Variants in TRPC1 observed in about 807,000 individuals in gnomAD.
The protein encoded by TRPC1 is short transient receptor potential channel 1.
TRPC1 carries 42 observed loss-of-function variants against 88.2 expected under a neutral mutation model. The ratio of observed to expected loss-of-function variants is 0.48; its 90% CI spans 0.37 to 0.62. TRPC1 has a LOEUF of 0.62. Among genes scored for constraint, TRPC1 ranks in the 20% least tolerant of loss-of-function variants. The probability of loss-of-function intolerance (pLI) is 0.00; values close to 1 mark genes in which losing one functional copy is unlikely to be tolerated. For missense variants in TRPC1, 699 were observed against 957.3 expected (o/e 0.73, Z 3.56); for synonymous variants, 288 against 331.8 (o/e 0.87, Z 1.43).
chr3:142,800,633 G>GTAC (rs1257690076), intron 9 of TRPC1, among the ~76,000 whole-genome samples: 4 of 151,956 alleles, frequency 2.6e-5, no homozygotes, highest in Admixed American at 6.6e-5. Flanking sequence ...TAAAAATAAT[G>GTAC]AGGCCAGGCA....
chr3:142,745,138 A>G (rs7644704), intron 3 of TRPC1, among the ~76,000 whole-genome samples: 74,944 of 152,078 alleles, frequency 0.49, 20,295 homozygotes, highest in African/African-American at 0.73. Flanking sequence ...AAGGAACAAA[A>G]GGCTAAGAAT....
intron 4 of TRPC1, among the ~76,000 whole-genome samples, chr3:142,759,134 A>AT (rs1935089672): frequency 6.6e-6 from 1 of 152,154 alleles, no homozygotes; most frequent in South Asian, 2.1e-4. Flanking sequence ...CACAATAAAC[A>AT]TAAGTGTGCA....
intron 7 of TRPC1, among the ~76,000 whole-genome samples, chr3:142,787,837 C>T (rs1179055978): frequency 1.3e-5 from 2 of 152,074 alleles, no homozygotes; most frequent in African/African-American, 2.4e-5. Flanking sequence ...GGGAAAGACA[C>T]GTTGAGGAAG....
At chr3:142,781,123 A>T (rs1337641829) in intron 6 of TRPC1, 94 bp downstream of exon 6, 1 of 1,010,058 alleles carries the variant, frequency 9.9e-7, no homozygotes, top group Non-Finnish European at 1.4e-6. Flanking sequence ...CTGGGTTAAG[A>T]TCCTAGTTCT....
At chr3:142,742,575 A>T (rs1405288901) in intron 2 of TRPC1, among the ~76,000 whole-genome samples, 2 of 152,200 alleles carry the variant, frequency 1.3e-5, no homozygotes, top group Non-Finnish European at 2.9e-5. Context: ...TTAAAGATCG[A>T]TATAGTTTTG....
chr3:142,751,677 A>ATAGTT (rs1934770548), intron 4 of TRPC1, among the ~76,000 whole-genome samples: 1 of 152,176 alleles, frequency 6.6e-6, no homozygotes, highest in Non-Finnish European at 1.5e-5. Context: ...CTGGTGACAA[A>ATAGTT]CTATTTTTAG....
intron 4 of TRPC1, among the ~76,000 whole-genome samples, chr3:142,762,380 G>A (rs963301697): frequency 2.7e-5 from 4 of 146,306 alleles, no homozygotes; most frequent in East Asian, 4.1e-4. Flanking sequence ...TTTCTGCTTC[G>A]ATCTTTATTT....
intron 6 of TRPC1, among the ~76,000 whole-genome samples, chr3:142,783,826 A>C (rs1936040543): frequency 6.6e-6 from 1 of 152,196 alleles, no homozygotes; most frequent in Admixed American, 6.5e-5. Context: ...ATTTTATAAT[A>C]ATTTCAAACC....
intron 1 of TRPC1, among the ~76,000 whole-genome samples, chr3:142,729,016 A>G (rs1016268338): frequency 2.4e-4 from 37 of 152,228 alleles, no homozygotes; most frequent in Admixed American, 1.1e-3. Context: ...TTCACAAATC[A>G]TCATAGACAT....
At chr3:142,765,862 TTAAA>T (rs1445880379) in intron 4 of TRPC1, among the ~76,000 whole-genome samples, 7 of 151,960 alleles carry the variant, frequency 4.6e-5, no homozygotes, top group African/African-American at 7.2e-5. Flanking sequence ...TATAAAGAAC[TTAAA>T]TAACCCCATT....
intron 4 of TRPC1, among the ~76,000 whole-genome samples, chr3:142,759,592 A>G (rs1935107502): frequency 6.6e-6 from 1 of 152,136 alleles, no homozygotes; most frequent in Non-Finnish European, 1.5e-5. Flanking sequence ...AGATGGGTAG[A>G]TTGTAAAAAT....
At chr3:142,747,542 G>A (rs994700116) in intron 3 of TRPC1, among the ~76,000 whole-genome samples, 40 of 152,232 alleles carry the variant, frequency 2.6e-4, no homozygotes, top group African/African-American at 9.6e-4. Flanking sequence ...CCTGTTTGTG[G>A]CTCAGGCACA....
intron 4 of TRPC1, among the ~76,000 whole-genome samples, chr3:142,766,371 T>C (rs1935387142): frequency 6.6e-6 from 1 of 150,516 alleles, no homozygotes; most frequent in African/African-American, 2.4e-5. Flanking sequence ...GAAAAGAGAC[T>C]GGCCTAGCCT....
At chr3:142,773,652 T>C (rs577065386) in intron 4 of TRPC1, among the ~76,000 whole-genome samples, 2 of 143,882 alleles carry the variant, frequency 1.4e-5, no homozygotes, top group Non-Finnish European at 3.0e-5. Context: ...CCTTAATTTT[T>C]TGGTTGGAAA....
rs1936717807 is a variant in TRPC1, at chr3:142,804,340, T to A, written c.1960-96T>A. ...GTAAGTAATGTATAATAATTGCAAA[T>A]GTTGAACAAAATTTTTCTGCAAGGT... On this transcript the variant is annotated intron_variant, in intron 11 of 12. Coordinates refer to ENST00000476941, the MANE Select transcript of TRPC1 (RefSeq NM_001251845.2). The A allele has an allele frequency of 8.9e-6, 11 of 1,237,864 alleles. No individual in the cohort carries two copies. The South Asian group carries it at 1.6e-4, about 19-fold the overall frequency. 76.7% of individuals were successfully genotyped at this position (1,237,864 alleles called of 1,614,324 possible).
chr3:142,802,382 C>CTTT (rs3836385), intron 10 of TRPC1, 38 bp downstream of exon 10: 63 of 1,104,836 alleles, frequency 5.7e-5, no homozygotes, highest in Admixed American at 7.4e-5. Context: ...ATATATTTGT[C>CTTT]TTTTTTTTTT....
rs79513736 is a variant in TRPC1, at chr3:142,742,162, CA to C, written c.328-1309del. 6.8e-3 allele frequency among the ~76,000 whole-genome samples: 887 copies of C among 129,992 alleles called. 7 individuals are homozygous for C. The highest frequency in any genetic ancestry group is 0.021 in the African/African-American group (771 of 36,566). The allele number at this position is 129,992 out of a possible 152,430, so 85.3% of individuals were successfully genotyped here. ...TGGGTGACAGAGCAAGACTCTGTCT[CA>C]AAAAAAAAAAAAATTAAAAATCATA... On this transcript the variant is annotated intron_variant, in intron 2 of 12. Transcript: ENST00000476941.
chr3:142,745,869 T>C (rs1193655865), intron 3 of TRPC1, among the ~76,000 whole-genome samples: 3 of 151,868 alleles, frequency 2.0e-5, no homozygotes, highest in Non-Finnish European at 4.4e-5. Flanking sequence ...GTGATTCTCC[T>C]GCTTCAGCCT....
intron 3 of TRPC1, among the ~76,000 whole-genome samples, chr3:142,746,000 A>G (rs143642462): frequency 0.023 from 3,446 of 152,010 alleles, 60 homozygotes; most frequent in East Asian, 0.065. Flanking sequence ...AAGGTGATCT[A>G]CCCTTCTCGG....
Sources: gnomAD v4.1 joint callset for allele counts (sites outside exome capture counted in the v4.1 genomes callset) on GRCh38, gnomAD v4.1.1 for gene constraint, MANE v1.5 for transcripts, NCBI Gene and HGNC (gene_info 2026-07-23, HGNC 2026-07-21) for gene names.